Variants in SLC5A11 observed in about 807,000 individuals in gnomAD.
SLC5A11 encodes the protein sodium/myo-inositol cotransporter 2.
A neutral mutation model predicts 69.8 loss-of-function variants in SLC5A11; 48 were observed. The ratio of observed to expected loss-of-function variants is 0.69; its 90% confidence interval spans 0.55 to 0.87. The LOEUF (loss-of-function observed/expected upper bound fraction) is 0.87. Ranked by LOEUF, SLC5A11 falls within the 40% of genes least tolerant of loss-of-function variation. The pLI is 0.00. For missense variants in SLC5A11, 784 were observed against 866.1 expected (o/e 0.91, Z 1.19); for synonymous variants, 319 against 342.4 (o/e 0.93, Z 0.75).
At chr16:24,905,640 G>GCGCGCACACACACA (rs1443035551) in intron 10 of SLC5A11, among the ~76,000 whole-genome samples, 2 of 136,696 alleles carry the variant, frequency 1.5e-5, no homozygotes, top group African/African-American at 5.6e-5. Flanking sequence ...GCGCGCGCGC[G>GCGCGCACACACACA]CACACACACA....
At chr16:24,884,737 TTTG>T (rs1234232798) in intron 8 of SLC5A11, among the ~76,000 whole-genome samples, 12 of 151,758 alleles carry the variant, frequency 7.9e-5, no homozygotes, top group Admixed American at 1.3e-4. Flanking sequence ...TACAGAGGTT[TTTG>T]TTGTTGTTTG....
In SLC5A11 at chr16:24,910,546, T is replaced by C. The variant is rs2050443591; in HGVS notation, c.1822+69T>C. 111 of 1,452,948 alleles carry C rather than the reference T, an allele frequency of 7.6e-5. No homozygotes were observed. In the South Asian group the frequency reaches 1.4e-3, roughly 19 times the overall value. 90.0% of individuals were successfully genotyped at this position (1,452,948 alleles called of 1,614,324 possible). Reference sequence around the variant, plus strand: ...TTAAAGGGATTGATTTTTTTTTTTTTCCTATCAAATCACAAGCCAGGAAAG... The same window carrying C: ...TTAAAGGGATTGATTTTTTTTTTTTCCCTATCAAATCACAAGCCAGGAAAG... On this transcript the variant is annotated intron_variant, in intron 15 of 15. Transcript: ENST00000347898.
chr16:24,911,303 TCTTC>T (rs2050506985), intron 15 of SLC5A11, 21 bp from the exon 17 acceptor site: 1 of 1,612,190 alleles, frequency 6.2e-7, no homozygotes, highest in African/African-American at 1.3e-5. Context: ...ACCTCTACGG[TCTTC>T]CTTTGCTGGG....
chr16:24,907,944 C>T lies in SLC5A11; in HGVS notation c.1266-19C>T. 1 of 1,613,308 alleles carries T rather than the reference C, an allele frequency of 6.2e-7. No individual in the cohort carries two copies. The highest frequency in any genetic ancestry group is 8.5e-7 in the Non-Finnish European group (1 of 1,179,606). On this transcript the variant is annotated intron_variant, in intron 12 of 15. Transcript: ENST00000347898. The stretch of plus-strand genomic sequence containing the variant: ...ATGTTCAGATGATGCTAATTTGTGC[C>T]TCTCGCCGCCGGCACCAGGGTGTTT...
intron 13 of SLC5A11, 127 bp downstream of exon 14, chr16:24,908,258 T>A: frequency 9.6e-7 from 1 of 1,046,622 alleles, no homozygotes; most frequent in East Asian, 2.6e-5. Context: ...GAGGGTGAGT[T>A]CCATTGGTGG....
intron 7 of SLC5A11, among the ~76,000 whole-genome samples, chr16:24,878,521 C>G (rs556176839): frequency 1.3e-5 from 2 of 152,194 alleles, no homozygotes; most frequent in African/African-American, 4.8e-5. Context: ...CTGTGTGTGC[C>G]TGTGTGTGCA....
Position 24,910,286 on chromosome 16 carries a change from C to CA in SLC5A11, c.1651-19dup. The CA allele has an allele frequency of 6.2e-7, 1 of 1,611,022 alleles. No homozygotes were observed. Among genetic ancestry groups the CA allele is most frequent in the Non-Finnish European group, 8.5e-7 (1 of 1,177,888 alleles). On this transcript the variant is annotated intron_variant, in intron 14 of 15. Transcript: ENST00000347898. ...GCCCCACCTCCACCACAAATCTCAT[C>CA]ATTCATCCCTGCTCCTTAGGTCAGC...
At chr16:24,881,697 G>C (rs995959117) in intron 7 of SLC5A11, among the ~76,000 whole-genome samples, 7 of 152,132 alleles carry the variant, frequency 4.6e-5, no homozygotes, top group Non-Finnish European at 8.8e-5. Context: ...TCCAGGCTGA[G>C]AGAAGGGCTG....
chr16:24,908,849 G>T, intron 13 of SLC5A11, 32 bp from the exon 15 acceptor site: 2 of 1,603,002 alleles, frequency 1.2e-6, no homozygotes, highest in Non-Finnish European at 8.5e-7. Context: ...AGCCCTTGGC[G>T]TCTCTAAGAT....
chr16:24,858,730 C>T (rs1328298616), exon 2 of SLC5A11: 1 of 1,611,810 alleles, frequency 6.2e-7, no homozygotes, highest in Non-Finnish European at 8.5e-7. Flanking sequence ...CTGGGGACAT[C>T]GCGGTGCTAG....
At chr16:24,909,643 CAA>C (rs35334841) in intron 14 of SLC5A11, among the ~76,000 whole-genome samples, 1,960 of 48,900 alleles carry the variant, frequency 0.04, 31 homozygotes, top group African/African-American at 0.15. Flanking sequence ...CCCTGTCTCA[CAA>C]AAAAAAAAAA....
chr16:24,891,723 A>G (rs1015707266), intron 9 of SLC5A11, among the ~76,000 whole-genome samples: 4 of 152,128 alleles, frequency 2.6e-5, no homozygotes, highest in African/African-American at 7.2e-5. Flanking sequence ...TTGTTCAACA[A>G]ATACACACTG....
intron 3 of SLC5A11, among the ~76,000 whole-genome samples, chr16:24,869,075 C>T (rs773233915): frequency 3.2e-4 from 48 of 152,164 alleles, no homozygotes; most frequent in South Asian, 1.0e-3. Context: ...ACCATGTTGG[C>T]CAGGCTGGTC....
rs2050298631 is a variant in SLC5A11 at position 24,909,052 on chromosome 16, GTC to G, written c.1609_1610del (p.Ser537HisfsTer67). 1 of 1,614,090 alleles carries G rather than the reference GTC, an allele frequency of 6.2e-7. No individual in the cohort carries two copies. Among genetic ancestry groups the G allele is most frequent in the African/African-American group, 1.3e-5 (1 of 75,014 alleles). On this transcript the variant is annotated frameshift_variant, in exon 14 of 16. Coordinates refer to ENST00000347898, the Ensembl canonical transcript of SLC5A11. LOFTEE classifies it high-confidence loss of function. ...CCTGTCCACGGTCACCCTCATCACT[GTC>G]TCCACCGTGAGCTGGTTCACAGAGC... is the stretch of plus-strand genomic sequence containing the variant.
chr16:24,884,388 T>C (rs574344984), intron 8 of SLC5A11, among the ~76,000 whole-genome samples: 1 of 152,138 alleles, frequency 6.6e-6, no homozygotes, highest in East Asian at 1.9e-4. Flanking sequence ...TGGAGTGCAG[T>C]GCTGTGATGA....
At chr16:24,885,047 G>A (rs2048310525) in intron 8 of SLC5A11, among the ~76,000 whole-genome samples, 1 of 152,036 alleles carries the variant, frequency 6.6e-6, no homozygotes. Flanking sequence ...CAGCCCAGAA[G>A]CTTTAAACTC....
At chr16:24,911,025 C>T (rs936884483) in intron 15 of SLC5A11, among the ~76,000 whole-genome samples, 1 of 151,800 alleles carries the variant, frequency 6.6e-6, no homozygotes, top group African/African-American at 2.4e-5. Flanking sequence ...AAAAATTAGC[C>T]GGGCATGGTA....
intron 8 of SLC5A11, among the ~76,000 whole-genome samples, chr16:24,890,298 A>G (rs2048687035): frequency 6.6e-6 from 1 of 152,010 alleles, no homozygotes; most frequent in Non-Finnish European, 1.5e-5. Flanking sequence ...AGCCTGGCCA[A>G]CGTGGTGAAA....
At chr16:24,905,638 GCGCACACACACA>G (rs888496241) in intron 10 of SLC5A11, among the ~76,000 whole-genome samples, 10 of 70,228 alleles carry the variant, frequency 1.4e-4, no homozygotes, top group African/African-American at 3.9e-4. Flanking sequence ...ACGCGCGCGC[GCGCACACACACA>G]CACACACACA....
Sources: gnomAD v4.1 joint callset for allele counts (sites outside exome capture counted in the v4.1 genomes callset) on GRCh38, gnomAD v4.1.1 for gene constraint, MANE v1.5 for transcripts, NCBI Gene and HGNC (gene_info 2026-07-23, HGNC 2026-07-21) for gene names.